Variants in ANO2 observed in about 807,000 individuals in gnomAD.
The protein encoded by ANO2 is anoctamin 2, also known as anoctamin-2.
ANO2 carries 101 observed loss-of-function variants against 124.2 expected under a neutral mutation model. The ratio of observed to expected loss-of-function variants is 0.81; its 90% CI spans 0.69 to 0.96. The LOEUF (loss-of-function observed/expected upper bound fraction) is 0.96, where lower values mean the gene tolerates loss of function less well. Among genes scored for constraint, ANO2 ranks in the 40% least tolerant of loss-of-function variants. The pLI is 0.00. For missense variants in ANO2, 1,293 were observed against 1,274.5 expected, an observed-to-expected ratio of 1.01 and a Z score of -0.22; for synonymous variants, 486 against 482.5, an observed-to-expected ratio of 1.01 and a Z score of -0.09.
chr12:5,940,448 T>C (rs1942851462), intron 1 of ANO2, among the ~76,000 whole-genome samples: 1 of 152,226 alleles, frequency 6.6e-6, no homozygotes, highest in Non-Finnish European at 1.5e-5. Context: ...CTCCCCATCA[T>C]TGAGGCACAC....
rs374171202 is a variant in ANO2 at position 5,761,222 on chromosome 12, G to A, written c.1056-10252C>T. On this transcript the variant is annotated intron_variant, in intron 10 of 24. Coordinates refer to ENST00000682330, the MANE Select transcript of ANO2 (RefSeq NM_001364791.2). ...CCCTTGGAATTGTAAATCTTACTAC[G>A]TCTCTGAAATGTAAATATCTAAGGA... Among the ~76,000 whole-genome samples, 35 of 151,930 alleles carry A rather than the reference G, an allele frequency of 2.3e-4. No homozygotes were observed. In the Middle Eastern group the frequency reaches 0.01, roughly 44 times the overall value.
At chr12:5,785,677 A>G (rs533781898) in intron 10 of ANO2, among the ~76,000 whole-genome samples, 1 of 151,510 alleles carries the variant, frequency 6.6e-6, no homozygotes, top group East Asian at 1.9e-4. Flanking sequence ...ACACACACAC[A>G]CATACACACA....
At chr12:5,615,698 T>A (rs1021361435) in intron 16 of ANO2, among the ~76,000 whole-genome samples, 4 of 152,072 alleles carry the variant, frequency 2.6e-5, no homozygotes, top group Non-Finnish European at 4.4e-5. Flanking sequence ...AGGTCCCTGG[T>A]CAAAAAGCTT....
chr12:5,599,333 G>T, intron 20 of ANO2, 151 bp downstream of exon 20: 1 of 911,856 alleles, frequency 1.1e-6, no homozygotes, highest in Non-Finnish European at 1.6e-6. Flanking sequence ...CTTTCATGTG[G>T]CACTGAAGGG....
intron 7 of ANO2, 159 bp downstream of exon 7, chr12:5,827,610 G>A: frequency 2.4e-6 from 2 of 843,110 alleles, no homozygotes. Flanking sequence ...CGCTGCTCCT[G>A]GGGCCAAGGC....
At chr12:5,718,353 T>C (rs1273983337) in intron 14 of ANO2, among the ~76,000 whole-genome samples, 1 of 152,214 alleles carries the variant, frequency 6.6e-6, no homozygotes, top group East Asian at 1.9e-4. Flanking sequence ...TGAACAGAAG[T>C]GCCCAAGGCA....
At chr12:5,610,723 C>CATATAT (rs377499491) in intron 19 of ANO2, among the ~76,000 whole-genome samples, 2,769 of 116,860 alleles carry the variant, frequency 0.024, 80 homozygotes, top group East Asian at 0.064. Context: ...CACATATATA[C>CATATAT]ATATATATAT....
At chr12:5,672,878 A>T (rs937751461) in intron 14 of ANO2, among the ~76,000 whole-genome samples, 5 of 152,160 alleles carry the variant, frequency 3.3e-5, no homozygotes, top group Admixed American at 2.6e-4. Context: ...TTTTGTTTGG[A>T]AGTTCTACAT....
intron 20 of ANO2, among the ~76,000 whole-genome samples, chr12:5,596,878 T>C (rs1943687014): frequency 1.3e-5 from 2 of 152,198 alleles, no homozygotes; most frequent in Admixed American, 6.5e-5. Context: ...GACCCTCTTC[T>C]ATTCACAGAT....
chr12:5,720,462 A>C (rs1255714815), intron 14 of ANO2, among the ~76,000 whole-genome samples: 1 of 152,170 alleles, frequency 6.6e-6, no homozygotes, highest in African/African-American at 2.4e-5. Context: ...CAGACAGCAA[A>C]AGACAAATTT....
At chr12:5,573,089 C>T (rs1942217041) in intron 23 of ANO2, among the ~76,000 whole-genome samples, 1 of 152,194 alleles carries the variant, frequency 6.6e-6, no homozygotes, top group Non-Finnish European at 1.5e-5. Context: ...TCCTGGCAAT[C>T]ATACGGAACT....
chr12:5,566,921 C>A (rs1941799180), intron 23 of ANO2, among the ~76,000 whole-genome samples: 1 of 152,186 alleles, frequency 6.6e-6, no homozygotes, highest in African/African-American at 2.4e-5. Context: ...GTCCCTTCTC[C>A]TGCCATAAAT....
At chr12:5,667,493 A>G (rs1252093149) in intron 14 of ANO2, among the ~76,000 whole-genome samples, 2 of 151,856 alleles carry the variant, frequency 1.3e-5, no homozygotes, top group African/African-American at 4.8e-5. Flanking sequence ...ACAAATTGCC[A>G]TGGTTCCAGG....
At chr12:5,815,306 G>C (rs1953570505) in intron 7 of ANO2, among the ~76,000 whole-genome samples, 1 of 152,202 alleles carries the variant, frequency 6.6e-6, no homozygotes, top group African/African-American at 2.4e-5. Context: ...AACTCGGGGA[G>C]GGAGGTTACC....
intron 10 of ANO2, among the ~76,000 whole-genome samples, chr12:5,774,685 C>T (rs574837974): frequency 1.3e-5 from 2 of 152,260 alleles, no homozygotes; most frequent in Admixed American, 6.5e-5. Flanking sequence ...AGGAGAGCTG[C>T]GTCAGGACCC....
intron 10 of ANO2, among the ~76,000 whole-genome samples, chr12:5,786,680 C>T (rs941382573): frequency 1.3e-5 from 2 of 152,262 alleles, no homozygotes; most frequent in African/African-American, 4.8e-5. Flanking sequence ...ATATTCTCCG[C>T]CTCCCCACCA....
At chr12:5,867,024 A>G (rs1591716190) in intron 3 of ANO2, among the ~76,000 whole-genome samples, 1 of 152,332 alleles carries the variant, frequency 6.6e-6, no homozygotes, top group South Asian at 2.1e-4. Context: ...AAACAGAATG[A>G]CAGAACAAGC....
At chr12:5,833,522 GTTCCATCCT>G (rs1458130493) in intron 4 of ANO2, among the ~76,000 whole-genome samples, 1 of 152,170 alleles carries the variant, frequency 6.6e-6, no homozygotes, top group Non-Finnish European at 1.5e-5. Context: ...TACTATGCCA[GTTCCATCCT>G]TTAGAACAGG....
At chr12:5,800,470 G>C (rs1185204011) in intron 9 of ANO2, among the ~76,000 whole-genome samples, 1 of 152,240 alleles carries the variant, frequency 6.6e-6, no homozygotes. Flanking sequence ...GACTGAGAGT[G>C]ATCAGAGGCA....
Sources: allele counts gnomAD v4.1 joint callset (sites outside exome capture counted in the v4.1 genomes callset), GRCh38; gene constraint gnomAD v4.1.1; transcripts MANE v1.5; gene names NCBI Gene and HGNC (gene_info 2026-07-23, HGNC 2026-07-21).